Variants in DOCK2 observed in about 807,000 individuals in gnomAD.
DOCK2 encodes the protein dedicator of cytokinesis 2.
DOCK2 carries 87 observed loss-of-function variants against 248.9 expected under a neutral mutation model. The ratio of observed to expected loss-of-function variants is 0.35; its 90% confidence interval spans 0.29 to 0.42. The LOEUF (loss-of-function observed/expected upper bound fraction) is 0.42. Ranked by LOEUF, DOCK2 falls within the 10% of genes least tolerant of loss-of-function variation. The pLI, the probability that DOCK2 is intolerant of heterozygous loss-of-function variation, is 1.00. For missense variants in DOCK2, 1,747 were observed against 2,300.2 expected, an observed-to-expected ratio of 0.76 and a Z score of 4.92; for synonymous variants, 805 against 821.6, an observed-to-expected ratio of 0.98 and a Z score of 0.35.
At chr5:170,064,298 T>C (rs569798653) in intron 44 of DOCK2, among the ~76,000 whole-genome samples, 1 of 152,090 alleles carries the variant, frequency 6.6e-6, no homozygotes, top group African/African-American at 2.4e-5. Flanking sequence ...CCGAAATGTG[T>C]GGAGTCAAGA....
chr5:169,871,459 C>A (rs966452171), intron 27 of DOCK2, among the ~76,000 whole-genome samples: 2 of 152,182 alleles, frequency 1.3e-5, no homozygotes, highest in South Asian at 4.1e-4. Flanking sequence ...TACAAGTTTA[C>A]ACTCCTTCTC....
chr5:169,823,886 C>CA (rs1460541987), intron 26 of DOCK2, among the ~76,000 whole-genome samples: 5 of 152,202 alleles, frequency 3.3e-5, no homozygotes, highest in African/African-American at 1.2e-4. Flanking sequence ...TGTCTCAGCC[C>CA]AAAATCTCCT....
In DOCK2 at chr5:169,853,804, C is replaced by CTTTTTTTTTTTTTTTTTTT. The variant is rs67124138; in HGVS notation, c.2799+12979_2799+12997dup. ...TTCCTTCTATAATCAGGAAAAACAA[C>CTTTTTTTTTTTTTTTTTTT]TTTTTTTTTTTTTTTTTTTTTTTTT... On this transcript the variant is annotated intron_variant, in intron 27 of 51. Transcript: ENST00000520908. 1.2e-4 allele frequency among the ~76,000 whole-genome samples: 7 copies of CTTTTTTTTTTTTTTTTTTT among 56,858 alleles called. 2 individuals are homozygous for CTTTTTTTTTTTTTTTTTTT. Among genetic ancestry groups the CTTTTTTTTTTTTTTTTTTT allele is most frequent in the Admixed American group, 3.3e-4 (1 of 3,072 alleles). The allele number at this position is 56,858 out of a possible 152,430, so 37.3% of individuals were successfully genotyped here.
chr5:169,784,825 G>C (rs900273842), intron 25 of DOCK2, among the ~76,000 whole-genome samples: 1 of 152,158 alleles, frequency 6.6e-6, no homozygotes, highest in African/African-American at 2.4e-5. Context: ...ATAAACTTAA[G>C]CAGATTCAAA....
Position 169,900,454 on chromosome 5 carries a change from G to C in DOCK2, c.2799+59602G>C, listed in dbSNP as rs558980755. ...CTGGGCGAGATAGTGGCAAATGTCAGGAGAAGACTGGCTGGCAGGAGGCAT... is the reference window on the plus strand; with the variant it reads ...CTGGGCGAGATAGTGGCAAATGTCACGAGAAGACTGGCTGGCAGGAGGCAT... On this transcript the variant is annotated intron_variant, in intron 27 of 51. Transcript: ENST00000520908. Among the ~76,000 whole-genome samples, 144 of 152,318 alleles carry C rather than the reference G, an allele frequency of 9.5e-4. 1 individual carries two copies. The highest frequency in any genetic ancestry group is 3.2e-3 in the African/African-American group (133 of 41,562).
intron 26 of DOCK2, among the ~76,000 whole-genome samples, chr5:169,813,332 G>T (rs954382054): frequency 2.0e-5 from 3 of 152,146 alleles, no homozygotes; most frequent in African/African-American, 7.2e-5. Flanking sequence ...CCCTCTTGAG[G>T]TTATTTACAT....
At chr5:169,758,080 T>G (rs1764288635) in intron 23 of DOCK2, among the ~76,000 whole-genome samples, 1 of 152,222 alleles carries the variant, frequency 6.6e-6, no homozygotes, top group Non-Finnish European at 1.5e-5. Flanking sequence ...TTACCACGTA[T>G]TTATAATAAA....
At chr5:169,674,534 G>A in intron 6 of DOCK2, 89 bp downstream of exon 6, 1 of 1,551,276 alleles carries the variant, frequency 6.4e-7, no homozygotes, top group Non-Finnish European at 8.7e-7. Flanking sequence ...TTCATTTTTA[G>A]ATGCAATTTT....
intron 15 of DOCK2, among the ~76,000 whole-genome samples, chr5:169,709,708 G>A (rs1269064923): frequency 3.3e-5 from 5 of 151,972 alleles, no homozygotes; most frequent in East Asian, 1.9e-4. Flanking sequence ...GTGACAGTGC[G>A]AGACTCCTTC....
chr5:169,846,806 T>A (rs961840031), intron 27 of DOCK2, among the ~76,000 whole-genome samples: 4 of 152,116 alleles, frequency 2.6e-5, no homozygotes, highest in Admixed American at 6.5e-5. Flanking sequence ...ACATGAGTAG[T>A]GTGCATTGTA....
chr5:170,072,279 A>C (rs987516046), intron 46 of DOCK2, among the ~76,000 whole-genome samples: 1 of 152,206 alleles, frequency 6.6e-6, no homozygotes, highest in Non-Finnish European at 1.5e-5. Context: ...TACAGTATGT[A>C]CTACTGTATC....
At chr5:170,011,028 C>G (rs1042496247) in intron 32 of DOCK2, among the ~76,000 whole-genome samples, 1 of 152,174 alleles carries the variant, frequency 6.6e-6, no homozygotes, top group Non-Finnish European at 1.5e-5. Flanking sequence ...CACAGAACAT[C>G]GGAGCTGGAA....
chr5:169,820,269 G>A (rs1490704676), intron 26 of DOCK2, among the ~76,000 whole-genome samples: 1 of 152,228 alleles, frequency 6.6e-6, no homozygotes, highest in African/African-American at 2.4e-5. Context: ...TTTGAAGAGA[G>A]TAGTGGTTCT....
intron 35 of DOCK2, among the ~76,000 whole-genome samples, chr5:170,035,666 G>C (rs1267453625): frequency 6.6e-6 from 1 of 152,146 alleles, no homozygotes; most frequent in Non-Finnish European, 1.5e-5. Context: ...GACACCACTA[G>C]TTTTTAGTGC....
chr5:169,985,978 C>A lies in DOCK2; in HGVS notation c.2993+56C>A, dbSNP rs1406033345. On this transcript the variant is annotated intron_variant, in intron 29 of 51. Transcript: ENST00000520908. ...CTTACCCAGCCCTCACTTCAAAGAT[C>A]ACTTATTTTGGGTTAAATTAGGGAC... is the stretch of plus-strand genomic sequence containing the variant. 4.7e-6 allele frequency: 7 copies of A among 1,485,542 alleles called. No homozygotes were observed. The African/African-American group carries it at 8.4e-5, about 18-fold the overall frequency. The allele number at this position is 1,485,542 out of a possible 1,614,324, so 92.0% of individuals were successfully genotyped here.
intron 27 of DOCK2, among the ~76,000 whole-genome samples, chr5:169,919,006 G>A (rs774187940): frequency 6.6e-6 from 1 of 152,174 alleles, no homozygotes; most frequent in Non-Finnish European, 1.5e-5. Context: ...AGTAACAAGG[G>A]TTATGTTGGA....
intron 33 of DOCK2, among the ~76,000 whole-genome samples, chr5:170,020,619 C>A (rs770892556): frequency 1.1e-4 from 17 of 152,206 alleles, no homozygotes; most frequent in Non-Finnish European, 2.5e-4. Context: ...GAAACTGAGA[C>A]TTAGAAAGCT....
intron 44 of DOCK2, among the ~76,000 whole-genome samples, chr5:170,065,887 C>G (rs1757472019): frequency 6.6e-6 from 1 of 151,818 alleles, no homozygotes; most frequent in South Asian, 2.1e-4. Context: ...ACTTACCTCA[C>G]CTTTAAAGAC....
In DOCK2 at chr5:169,717,435, G is replaced by A. The variant is rs1281502649; in HGVS notation, c.2083G>A (p.Val695Ile). Reference protein sequence around the residue: ...ADRKFQHFNTVLEAYIQQHFS... With the variant: ...ADRKFQHFNTILEAYIQQHFS... ...CCGGAAATTTCAGCATTTCAACACC[G>A]TTCTGGAGGCTTACATCCAACAGCA... Residue 695 changes from valine (V) to isoleucine (I), a missense_variant, in exon 21 of 52, where the codon GTT becomes ATT. Physicochemically the swap from Val to Ile is conservative, Grantham distance 29. This residue lies in a region of DOCK2 where 858 missense variants were observed against 1,183.5 expected (regional missense o/e 0.72). Coordinates refer to ENST00000520908, the MANE Select transcript of DOCK2 (RefSeq NM_004946.3). 1.9e-6 allele frequency: 3 copies of A among 1,613,842 alleles called. No homozygotes were observed. The highest frequency in any genetic ancestry group is 1.7e-6 in the Non-Finnish European group (2 of 1,179,806).
Sources: allele counts gnomAD v4.1 joint callset (sites outside exome capture counted in the v4.1 genomes callset), GRCh38; gene constraint gnomAD v4.1.1; regional missense constraint gnomAD v4.1.1; transcripts MANE v1.5; gene names NCBI Gene and HGNC (gene_info 2026-07-23, HGNC 2026-07-21).